Variants in CAAP1 observed in about 807,000 individuals in gnomAD.
CAAP1 encodes caspase activity and apoptosis inhibitor 1.
CAAP1 carries 20 observed loss-of-function variants against 34.0 expected under a neutral mutation model. That is an observed-to-expected ratio of 0.59 (90% CI 0.41 to 0.86). The LOEUF (loss-of-function observed/expected upper bound fraction) is 0.86, where lower values mean the gene tolerates loss of function less well. Among genes scored for constraint, CAAP1 ranks in the 40% least tolerant of loss-of-function variants. CAAP1 has a pLI of 0.00. For synonymous variants in CAAP1, 213 were observed against 166.7 expected, an observed-to-expected ratio of 1.28 and a Z score of -2.14; for missense variants, 538 against 450.5, an observed-to-expected ratio of 1.19 and a Z score of -1.76.
In CAAP1 at chr9:26,842,170, T is replaced by G. The variant is rs1822496568; in HGVS notation, c.*131A>C. 1.5e-6 allele frequency: 1 copy of G among 649,362 alleles called. No individual in the cohort carries two copies. The highest frequency in any genetic ancestry group is 2.5e-6 in the Non-Finnish European group (1 of 395,832). The allele number at this position is 649,362 out of a possible 1,614,324, so 40.2% of individuals were successfully genotyped here. A position where few individuals can be genotyped will look rare whatever the true frequency, so the allele number is the denominator to read the frequency against. On this transcript the variant is annotated 3_prime_UTR_variant, in exon 6 of 6. Transcript: ENST00000333916. ...TAAAAAGAAACAGCCACAGGTAATT[T>G]AGGGCTAAAATGAGTCCTAATAAGG...
At chr9:26,845,980 G>GT (rs145004611) in intron 5 of CAAP1, among the ~76,000 whole-genome samples, 10,866 of 152,130 alleles carry the variant, frequency 0.071, 437 homozygotes, top group Middle Eastern at 0.15. Context: ...GCCTCTCAGA[G>GT]TAGAGTGCTT....
At chr9:26,851,081 T>C (rs930516808) in intron 5 of CAAP1, among the ~76,000 whole-genome samples, 1 of 152,224 alleles carries the variant, frequency 6.6e-6, no homozygotes, top group Non-Finnish European at 1.5e-5. Context: ...CATGTCATGA[T>C]GGTGCTGCAA....
chr9:26,867,281 C>G (rs574459212), intron 4 of CAAP1, among the ~76,000 whole-genome samples: 21 of 152,296 alleles, frequency 1.4e-4, no homozygotes, highest in Admixed American at 3.9e-4. Context: ...TCTCCAAAGC[C>G]AACATCTCTG....
intron 4 of CAAP1, among the ~76,000 whole-genome samples, chr9:26,867,006 C>G (rs1300330633): frequency 6.6e-6 from 1 of 152,120 alleles, no homozygotes; most frequent in Non-Finnish European, 1.5e-5. Context: ...GCATTACGGC[C>G]TGAGCTCCAC....
chr9:26,850,062 T>C (rs911470887), intron 5 of CAAP1, among the ~76,000 whole-genome samples: 2 of 140,146 alleles, frequency 1.4e-5, no homozygotes, highest in Admixed American at 6.8e-5. Flanking sequence ...ATGGTCTTGA[T>C]CTGTGACCTC....
chr9:26,879,620 A>G (rs183325363), intron 4 of CAAP1, among the ~76,000 whole-genome samples: 63 of 152,332 alleles, frequency 4.1e-4, no homozygotes, highest in African/African-American at 1.5e-3. Flanking sequence ...CCCATCCTCA[A>G]TCGGTGGGCA....
intron 5 of CAAP1, among the ~76,000 whole-genome samples, chr9:26,859,311 A>G (rs954189199): frequency 3.9e-5 from 6 of 152,212 alleles, no homozygotes; most frequent in African/African-American, 1.4e-4. Context: ...AAATCACAGT[A>G]CAACAGCCTG....
chr9:26,860,791 A>AAAAT (rs1287493393), intron 5 of CAAP1, among the ~76,000 whole-genome samples: 2 of 152,132 alleles, frequency 1.3e-5, no homozygotes, highest in African/African-American at 2.4e-5. Context: ...ACTCTGTCTC[A>AAAAT]AAATAAATAA....
At chr9:26,871,757 C>G (rs891339695) in intron 4 of CAAP1, among the ~76,000 whole-genome samples, 5 of 151,724 alleles carry the variant, frequency 3.3e-5, no homozygotes, top group Admixed American at 6.6e-5. Flanking sequence ...AACCCCATCT[C>G]TACTACAAGA....
intron 5 of CAAP1, among the ~76,000 whole-genome samples, chr9:26,851,156 T>G (rs1822741632): frequency 6.6e-6 from 1 of 152,216 alleles, no homozygotes; most frequent in Admixed American, 6.5e-5. Flanking sequence ...GCCTTCACAG[T>G]ATGCTTAATG....
At chr9:26,885,441 C>T (rs952909208) in intron 3 of CAAP1, among the ~76,000 whole-genome samples, 3 of 152,136 alleles carry the variant, frequency 2.0e-5, no homozygotes, top group Non-Finnish European at 4.4e-5. Context: ...TACACTTACA[C>T]ACTATGTACA....
intron 4 of CAAP1, among the ~76,000 whole-genome samples, chr9:26,878,433 C>T (rs997027758): frequency 1.3e-5 from 2 of 152,186 alleles, no homozygotes; most frequent in Admixed American, 1.3e-4. Context: ...CTCCACAGAT[C>T]CACAATGAAG....
intron 4 of CAAP1, among the ~76,000 whole-genome samples, chr9:26,864,203 CTTACT>C (rs1217306825): frequency 6.6e-6 from 1 of 152,154 alleles, no homozygotes; most frequent in African/African-American, 2.4e-5. Context: ...ATCAGTCCAA[CTTACT>C]TTATTTTACC....
rs1305499878 is a variant in CAAP1, at chr9:26,841,517, T to A, written c.*784A>T. 1.3e-5 allele frequency: 2 copies of A among 152,574 alleles called. No homozygotes were observed. Among genetic ancestry groups the A allele is most frequent in the African/African-American group, 4.8e-5 (2 of 41,446 alleles). 9.5% of individuals were successfully genotyped at this position (152,574 alleles called of 1,614,324 possible). ...TTTTATTATTTCTGATTCATGGAATTATAGCACATCAGATCTTTAAGCAAC... is the reference window on the plus strand; with the variant it reads ...TTTTATTATTTCTGATTCATGGAATAATAGCACATCAGATCTTTAAGCAAC... On this transcript the variant is annotated 3_prime_UTR_variant, in exon 6 of 6. Transcript: ENST00000333916.
chr9:26,884,331 AAAT>A (rs1189297760), intron 4 of CAAP1, among the ~76,000 whole-genome samples: 3 of 152,174 alleles, frequency 2.0e-5, no homozygotes, highest in Admixed American at 1.3e-4. Context: ...CCCGACAGTC[AAAT>A]AATATACATT....
intron 3 of CAAP1, among the ~76,000 whole-genome samples, 165 bp downstream of exon 3, chr9:26,885,939 G>A (rs557651673): frequency 1.1e-4 from 16 of 152,112 alleles, no homozygotes; most frequent in Non-Finnish European, 1.5e-4. Flanking sequence ...ACGCTTTTCT[G>A]ATATGTAAAC....
At chr9:26,847,266 G>C (rs1254379512) in intron 5 of CAAP1, among the ~76,000 whole-genome samples, 5 of 121,964 alleles carry the variant, frequency 4.1e-5, no homozygotes, top group Non-Finnish European at 8.0e-5. Context: ...CCAGGCTGGA[G>C]TGCAGTGGCG....
intron 5 of CAAP1, among the ~76,000 whole-genome samples, chr9:26,846,179 G>C (rs1032050710): frequency 6.6e-6 from 1 of 152,134 alleles, no homozygotes; most frequent in African/African-American, 2.4e-5. Flanking sequence ...AGCACTTTGA[G>C]AGGCCAAGGC....
intron 5 of CAAP1, among the ~76,000 whole-genome samples, chr9:26,859,903 C>A (rs1229140781): frequency 6.6e-6 from 1 of 152,184 alleles, no homozygotes; most frequent in Non-Finnish European, 1.5e-5. Context: ...GCTCTCTCTA[C>A]ATATAAATTG....
Sources: gnomAD v4.1 joint callset for allele counts (sites outside exome capture counted in the v4.1 genomes callset) on GRCh38, gnomAD v4.1.1 for gene constraint, MANE v1.5 for transcripts, NCBI Gene and HGNC (gene_info 2026-07-23, HGNC 2026-07-21) for gene names.